Variants in SEC24A observed in about 807,000 individuals in gnomAD.
SEC24A encodes SEC24 homolog A, COPII component, also known as protein transport protein Sec24A.
SEC24A carries 93 observed loss-of-function variants against 129.4 expected under a neutral mutation model. The ratio of observed to expected loss-of-function variants is 0.72; its 90% CI spans 0.61 to 0.85. The LOEUF (loss-of-function observed/expected upper bound fraction) is 0.85, where lower values mean the gene tolerates loss of function less well. Among genes scored for constraint, SEC24A ranks in the 40% least tolerant of loss-of-function variants. The pLI is 0.00. For synonymous variants in SEC24A, 460 were observed against 467.3 expected, an observed-to-expected ratio of 0.98 and a Z score of 0.20; for missense variants, 1,264 against 1,307.4, an observed-to-expected ratio of 0.97 and a Z score of 0.51.
intron 1 of SEC24A, among the ~76,000 whole-genome samples, chr5:134,656,894 TC>T (rs1369732912): frequency 1.1e-4 from 16 of 151,216 alleles, no homozygotes; most frequent in Non-Finnish European, 2.1e-4. Flanking sequence ...TAATCCTTGA[TC>T]CTTGATCAAG....
In SEC24A at chr5:134,718,131, G is replaced by A. The variant is rs984285160; in HGVS notation, c.2928G>A (p.Glu976=). The A allele has an allele frequency of 9.9e-6, 16 of 1,613,996 alleles. No homozygotes were observed. Among genetic ancestry groups the A allele is most frequent in the Middle Eastern group, 1.6e-4 (1 of 6,084 alleles). ...CCCCCATTCTTCAGCTTTCAGTGGA[G>A]AAGCTGAGCAGAGATGGAGCTTTCC... The part of the protein sequence containing the change: ...PQPPILQLSV[E]KLSRDGAFLM... Residue 976 remains glutamate, a synonymous_variant, in exon 20 of 23, where the codon GAG becomes GAA. Coordinates refer to ENST00000398844, the MANE Select transcript of SEC24A (RefSeq NM_021982.3).
intron 13 of SEC24A, among the ~76,000 whole-genome samples, chr5:134,696,049 C>G (rs1751814155): frequency 6.6e-6 from 1 of 151,776 alleles, no homozygotes; most frequent in Non-Finnish European, 1.5e-5. Flanking sequence ...GGCGGATCAT[C>G]TAACTTTGGG....
At chr5:134,717,965 C>G in intron 19 of SEC24A, 104 bp from the exon 20 acceptor site, 1 of 757,156 alleles carries the variant, frequency 1.3e-6, no homozygotes, top group South Asian at 1.7e-5. Context: ...CTAAGCAAGG[C>G]CCAGACTTGT....
chr5:134,685,752 G>A (rs1392577683), intron 9 of SEC24A, among the ~76,000 whole-genome samples: 1 of 152,096 alleles, frequency 6.6e-6, no homozygotes, highest in Non-Finnish European at 1.5e-5. Flanking sequence ...GGGAGGCAGC[G>A]AAGGCGGGCG....
rs764489420 is a variant in SEC24A, at chr5:134,705,070, T to TTATA, written c.2441-239_2441-236dup. ...GAAAAGAAGTTATTTATATTTATAT[T>TTATA]TATATATATATATATATATATTTTT... On this transcript the variant is annotated intron_variant, in intron 16 of 22. Coordinates refer to ENST00000398844, the MANE Select transcript of SEC24A (RefSeq NM_021982.3). 8.1e-3 allele frequency among the ~76,000 whole-genome samples: 1,081 copies of TTATA among 133,314 alleles called. 9 individuals carry two copies. Among genetic ancestry groups the TTATA allele is most frequent in the Non-Finnish European group, 0.011 (682 of 64,106 alleles). 87.5% of individuals were successfully genotyped at this position (133,314 alleles called of 152,430 possible). A position where few individuals can be genotyped will look rare whatever the true frequency, so the allele number is the denominator to read the frequency against.
chr5:134,689,376 G>A (rs1751556895), intron 11 of SEC24A, among the ~76,000 whole-genome samples: 4 of 152,144 alleles, frequency 2.6e-5, no homozygotes, highest in Admixed American at 1.3e-4. Context: ...GTACATCATT[G>A]TTTATAGCAA....
At chr5:134,689,677 C>G (rs1026817532) in intron 11 of SEC24A, among the ~76,000 whole-genome samples, 1 of 151,330 alleles carries the variant, frequency 6.6e-6, no homozygotes, top group Non-Finnish European at 1.5e-5. Context: ...AGGAGAATGG[C>G]GTGAACTCGG....
At chr5:134,722,394 C>T (rs1752651498) in intron 21 of SEC24A, among the ~76,000 whole-genome samples, 1 of 152,020 alleles carries the variant, frequency 6.6e-6, no homozygotes, top group African/African-American at 2.4e-5. Flanking sequence ...GAGAAACCCC[C>T]ATCTCTACTA....
intron 4 of SEC24A, 67 bp from the exon 5 acceptor site, chr5:134,674,548 T>A (rs1425695689): frequency 2.6e-5 from 38 of 1,469,174 alleles, no homozygotes; most frequent in Non-Finnish European, 3.5e-5. Flanking sequence ...AAAAAATGTT[T>A]TTTTAAAATA....
At chr5:134,721,785 G>C (rs1752635245) in intron 21 of SEC24A, among the ~76,000 whole-genome samples, 1 of 152,020 alleles carries the variant, frequency 6.6e-6, no homozygotes. Context: ...AATGGGAGGA[G>C]TGCTAGGACC....
intron 15 of SEC24A, among the ~76,000 whole-genome samples, chr5:134,701,603 C>T (rs541284423): frequency 6.6e-5 from 10 of 151,950 alleles, no homozygotes; most frequent in South Asian, 6.3e-4. Context: ...CTTCGCCTCC[C>T]GGGGTCCAGT....
intron 1 of SEC24A, among the ~76,000 whole-genome samples, chr5:134,655,132 C>G (rs537431229): frequency 6.6e-6 from 1 of 152,096 alleles, no homozygotes; most frequent in Non-Finnish European, 1.5e-5. Flanking sequence ...CCACCGCACC[C>G]GGCCACATGA....
At chr5:134,672,007 T>C in intron 4 of SEC24A, 121 bp downstream of exon 4, 1 of 633,880 alleles carries the variant, frequency 1.6e-6, no homozygotes, top group Non-Finnish European at 2.8e-6. Flanking sequence ...TAGCCATACA[T>C]ACTATTAACT....
chr5:134,694,907 C>T (rs1308781819), intron 13 of SEC24A, among the ~76,000 whole-genome samples: 2 of 151,530 alleles, frequency 1.3e-5, no homozygotes, highest in Non-Finnish European at 2.9e-5. Context: ...TGTGCATAAA[C>T]TTTAAGGTTT....
At chr5:134,706,640 C>T (rs1457481712) in intron 17 of SEC24A, among the ~76,000 whole-genome samples, 1 of 152,194 alleles carries the variant, frequency 6.6e-6, no homozygotes, top group African/African-American at 2.4e-5. Flanking sequence ...GCTGGGATTA[C>T]AGGCCCACAC....
At chr5:134,694,650 G>A (rs568156837) in intron 13 of SEC24A, among the ~76,000 whole-genome samples, 4 of 143,828 alleles carry the variant, frequency 2.8e-5, no homozygotes, top group East Asian at 2.0e-4. Flanking sequence ...GCGAGACTCC[G>A]TCTCAAAAAA....
At chr5:134,724,414 C>A (rs1215988739) in intron 22 of SEC24A, among the ~76,000 whole-genome samples, 2 of 151,904 alleles carry the variant, frequency 1.3e-5, no homozygotes, top group African/African-American at 2.4e-5. Context: ...CATGGAGAAA[C>A]CCCGTCTCTA....
chr5:134,655,388 T>G (rs1015757940), intron 1 of SEC24A, among the ~76,000 whole-genome samples: 1 of 152,070 alleles, frequency 6.6e-6, no homozygotes, highest in Non-Finnish European at 1.5e-5. Context: ...TGGTGGCTCA[T>G]GCCTGTAATC....
intron 7 of SEC24A, among the ~76,000 whole-genome samples, chr5:134,676,586 G>A (rs1751075236): frequency 6.6e-6 from 1 of 151,798 alleles, no homozygotes; most frequent in African/African-American, 2.4e-5. Context: ...TGGCATTATA[G>A]GCATCTGCCA....
Sources: allele counts gnomAD v4.1 joint callset (sites outside exome capture counted in the v4.1 genomes callset), GRCh38; gene constraint gnomAD v4.1.1; transcripts MANE v1.5; gene names NCBI Gene and HGNC (gene_info 2026-07-23, HGNC 2026-07-21).